The following NRXN3 variants were observed in gnomAD, a reference collection of about 807,000 sequenced individuals.
NRXN3 encodes the protein neurexin 3.
Under a neutral mutation model 137.6 loss-of-function variants are expected in NRXN3, and 32 were observed. The observed-to-expected ratio is 0.23, with a 90% CI of 0.18 to 0.31. NRXN3 has a LOEUF of 0.31. Ranked by LOEUF, NRXN3 falls within the 10% of genes least tolerant of loss-of-function variation. The pLI, the probability that NRXN3 is intolerant of heterozygous loss-of-function variation, is 1.00. For synonymous variants in NRXN3, 798 were observed against 784.5 expected, an observed-to-expected ratio of 1.02 and a Z score of -0.29; for missense variants, 1,574 against 2,062.5, an observed-to-expected ratio of 0.76 and a Z score of 4.59.
At chr14:78,214,389 G>T (rs2063049179) in intron 1 of NRXN3, among the ~76,000 whole-genome samples, 1 of 152,166 alleles carries the variant, frequency 6.6e-6, no homozygotes, top group Non-Finnish European at 1.5e-5. Flanking sequence ...ATGGTACATT[G>T]TGCCTTGGTG....
intron 15 of NRXN3, among the ~76,000 whole-genome samples, chr14:79,127,409 C>G: frequency 6.6e-6 from 1 of 152,086 alleles, no homozygotes. Flanking sequence ...GCCAGTTTTC[C>G]CAGCACCATT....
At chr14:79,591,832 T>C (rs934967089) in intron 16 of NRXN3, among the ~76,000 whole-genome samples, 1 of 152,354 alleles carries the variant, frequency 6.6e-6, no homozygotes, top group Non-Finnish European at 1.5e-5. Context: ...TGCTTCACAG[T>C]CATTTCATGA....
chr14:79,676,044 T>C (rs115906774), intron 17 of NRXN3, among the ~76,000 whole-genome samples: 1 of 152,110 alleles, frequency 6.6e-6, no homozygotes, highest in South Asian at 2.1e-4. Flanking sequence ...CTGATTGATA[T>C]GTCTGTCTTC....
At chr14:79,380,303 C>T (rs915609572) in intron 15 of NRXN3, among the ~76,000 whole-genome samples, 3 of 151,632 alleles carry the variant, frequency 2.0e-5, no homozygotes, top group African/African-American at 4.8e-5. Flanking sequence ...CCCATTAACT[C>T]GTCATTTAGC....
Position 78,931,837 on chromosome 14 carries a change from A to G in NRXN3, c.2276-25405A>G, listed in dbSNP as rs547119889. ...CACTGGCAAATTTTGGGAAGCAGAGATAAATTATGTTGCTAAAAGCCAAGG... is the reference window on the plus strand; with the variant it reads ...CACTGGCAAATTTTGGGAAGCAGAGGTAAATTATGTTGCTAAAAGCCAAGG... On this transcript the variant is annotated intron_variant, in intron 10 of 20. Transcript: ENST00000335750. 1.7e-3 allele frequency among the ~76,000 whole-genome samples: 266 copies of G among 152,258 alleles called. 1 individual carries two copies. Among genetic ancestry groups the G allele is most frequent in the Non-Finnish European group, 2.7e-3 (186 of 68,022 alleles).
At chr14:78,238,141 C>G (rs377249628) in intron 1 of NRXN3, among the ~76,000 whole-genome samples, 1 of 150,002 alleles carries the variant, frequency 6.7e-6, no homozygotes, top group Admixed American at 6.6e-5. Flanking sequence ...TTGTGTGAGC[C>G]CCCCCCACCA....
At chr14:78,746,682 G>C (rs2098609003) in intron 8 of NRXN3, among the ~76,000 whole-genome samples, 1 of 152,154 alleles carries the variant, frequency 6.6e-6, no homozygotes, top group Non-Finnish European at 1.5e-5. Flanking sequence ...CTTTCTGTAG[G>C]AGAGATGCCT....
chr14:78,775,078 G>T (rs1298091221), intron 8 of NRXN3, among the ~76,000 whole-genome samples: 3 of 152,044 alleles, frequency 2.0e-5, no homozygotes, highest in Non-Finnish European at 4.4e-5. Flanking sequence ...TATCCTGAAG[G>T]TATTTATTTT....
chr14:78,255,214 T>A (rs2069367433), intron 2 of NRXN3, among the ~76,000 whole-genome samples: 2 of 151,448 alleles, frequency 1.3e-5, no homozygotes, highest in South Asian at 4.2e-4. Flanking sequence ...ATTTTGTGGT[T>A]TAAAATAGTT....
intron 16 of NRXN3, among the ~76,000 whole-genome samples, chr14:79,532,570 G>A (rs977002025): frequency 7.9e-5 from 12 of 152,222 alleles, no homozygotes; most frequent in South Asian, 2.1e-4. Flanking sequence ...ATCTTCAGTT[G>A]TTACGACGGC....
At chr14:79,689,238 AT>A (rs2098707042) in intron 17 of NRXN3, among the ~76,000 whole-genome samples, 1 of 152,138 alleles carries the variant, frequency 6.6e-6, no homozygotes. Context: ...ATCATTAAAG[AT>A]TTAGCAAGAA....
chr14:78,709,493 C>A lies in NRXN3; in HGVS notation c.1498C>A (p.Gln500Lys), dbSNP rs780989580. The A allele has an allele frequency of 6.2e-7, 1 of 1,614,080 alleles. No individual in the cohort carries two copies. Among genetic ancestry groups the A allele is most frequent in the Non-Finnish European group, 8.5e-7 (1 of 1,180,016 alleles). Residue 500 changes from glutamine (Q) to lysine (K), a missense_variant, in exon 7 of 21, where the codon CAG (glutamine) becomes AAG (lysine). Around this residue, in one of 5 missense-constraint regions of NRXN3, gnomAD observed 718 missense variants for 887.6 expected, o/e 0.81. Transcript: ENST00000335750. ...CCAAGAGAGGAAGGATGCTCGGAGC[C>A]AGAAGAATACAAAAGTAGACTTCTT... ...KPQERKDARS[Q>K]KNTKVDFFAV...
In NRXN3 at chr14:78,783,650, ATAAG is replaced by A. The variant is rs563073974; in HGVS notation, c.2045-19967_2045-19964del. Among the ~76,000 whole-genome samples the A allele has an allele frequency of 7.2e-5, 11 of 152,302 alleles. No individual in the cohort carries two copies. The East Asian group carries it at 2.1e-3, about 29-fold the overall frequency. On this transcript the variant is annotated intron_variant, in intron 8 of 20. Transcript: ENST00000335750. The stretch of plus-strand genomic sequence containing the variant: ...TCAGTATAATTTTTATAACTTTTCT[ATAAG>A]TATGTAAGTTTGAAATAAAAAAGTT...
chr14:79,217,327 G>T (rs2068711856), intron 15 of NRXN3, among the ~76,000 whole-genome samples: 1 of 152,056 alleles, frequency 6.6e-6, no homozygotes, highest in Non-Finnish European at 1.5e-5. Context: ...GAGTAGTGGG[G>T]TGCCACACTC....
intron 15 of NRXN3, among the ~76,000 whole-genome samples, chr14:79,275,481 T>C (rs1346029537): frequency 6.6e-6 from 1 of 152,126 alleles, no homozygotes; most frequent in African/African-American, 2.4e-5. Flanking sequence ...AGTCAGAGTC[T>C]ATACAAGTGA....
intron 10 of NRXN3, among the ~76,000 whole-genome samples, chr14:78,908,050 A>G (rs537580336): frequency 4.6e-5 from 7 of 152,082 alleles, no homozygotes; most frequent in African/African-American, 1.4e-4. Context: ...TCATTGATGG[A>G]CATTTAGGTT....
intron 16 of NRXN3, among the ~76,000 whole-genome samples, chr14:79,508,174 T>C (rs977192133): frequency 2.0e-5 from 3 of 152,068 alleles, no homozygotes; most frequent in South Asian, 2.1e-4. Flanking sequence ...TAATACCTCA[T>C]GCATATGGCT....
chr14:78,504,685 G>C (rs2095948388), intron 4 of NRXN3, among the ~76,000 whole-genome samples: 1 of 152,094 alleles, frequency 6.6e-6, no homozygotes, highest in Admixed American at 6.5e-5. Flanking sequence ...ATTCATAGTG[G>C]TCATTTCTTT....
chr14:78,971,200 A>G (rs2099438524), intron 14 of NRXN3, among the ~76,000 whole-genome samples: 1 of 152,180 alleles, frequency 6.6e-6, no homozygotes, highest in African/African-American at 2.4e-5. Context: ...GCAAAAAGGC[A>G]TCATTTTTAT....
Sources: gnomAD v4.1 joint callset for allele counts (sites outside exome capture counted in the v4.1 genomes callset) on GRCh38, gnomAD v4.1.1 for gene constraint, gnomAD v4.1.1 regional missense constraint, MANE v1.5 for transcripts, NCBI Gene and HGNC (gene_info 2026-07-23, HGNC 2026-07-21) for gene names.